Variants in WDR7 observed in about 807,000 individuals in gnomAD.
WDR7 encodes the protein WD repeat domain 7, also known as WD repeat-containing protein 7.
WDR7 carries 46 observed loss-of-function variants against 169.4 expected under a neutral mutation model. The observed-to-expected ratio is 0.27, with a 90% CI of 0.21 to 0.35. The LOEUF is 0.35. Among genes scored for constraint, WDR7 ranks in the 10% least tolerant of loss-of-function variants. The pLI is 1.00. For missense variants in WDR7, 1,534 were observed against 1,859.3 expected (o/e 0.83, Z 3.22); for synonymous variants, 612 against 666.8 (o/e 0.92, Z 1.27).
intron 19 of WDR7, among the ~76,000 whole-genome samples, chr18:56,812,689 GGC>G (rs1333920218): frequency 6.6e-6 from 1 of 152,126 alleles, no homozygotes; most frequent in Non-Finnish European, 1.5e-5. Flanking sequence ...GGAGTCCAAA[GGC>G]TAGAGAACCT....
chr18:56,976,320 T>TA (rs1250514587), intron 26 of WDR7, among the ~76,000 whole-genome samples: 1 of 152,194 alleles, frequency 6.6e-6, no homozygotes, highest in Non-Finnish European at 1.5e-5. Context: ...AGAAAAAGGA[T>TA]GTGCTACAGA....
chr18:56,660,705 G>A (rs946386632), intron 1 of WDR7, among the ~76,000 whole-genome samples: 1 of 151,790 alleles, frequency 6.6e-6, no homozygotes, highest in Non-Finnish European at 1.5e-5. Context: ...ACTAAAGCTA[G>A]AGAAGAAGAA....
At chr18:56,863,655 A>G (rs2045840761) in intron 20 of WDR7, among the ~76,000 whole-genome samples, 1 of 136,328 alleles carries the variant, frequency 7.3e-6, no homozygotes, top group African/African-American at 3.7e-5. Flanking sequence ...CTAGGAAAGT[A>G]ATTTATATTT....
chr18:56,900,082 G>GTGTATATATA (rs1409730889), intron 21 of WDR7, among the ~76,000 whole-genome samples: 18 of 32,060 alleles, frequency 5.6e-4, no homozygotes, highest in African/African-American at 1.1e-3. Flanking sequence ...GTGTGTGTGT[G>GTGTATATATA]TATATATATA....
At chr18:56,982,330 G>A (rs909686657) in intron 26 of WDR7, among the ~76,000 whole-genome samples, 2 of 152,190 alleles carry the variant, frequency 1.3e-5, no homozygotes, top group African/African-American at 4.8e-5. Flanking sequence ...GTTTTGCCAA[G>A]GAGGGAGCAT....
chr18:56,924,952 C>G (rs2046782999), intron 22 of WDR7, among the ~76,000 whole-genome samples: 1 of 152,172 alleles, frequency 6.6e-6, no homozygotes, highest in Non-Finnish European at 1.5e-5. Flanking sequence ...ACCACTTCAA[C>G]AGGCCCTGGC....
intron 20 of WDR7, among the ~76,000 whole-genome samples, chr18:56,855,211 A>G (rs936450672): frequency 1.4e-5 from 2 of 147,230 alleles, no homozygotes; most frequent in African/African-American, 4.9e-5. Flanking sequence ...ATTCTGTGAA[A>G]TGCCTGTTCA....
At chr18:56,737,523 T>C (rs552802398) in intron 14 of WDR7, among the ~76,000 whole-genome samples, 8 of 152,316 alleles carry the variant, frequency 5.3e-5, no homozygotes, top group African/African-American at 1.9e-4. Flanking sequence ...ATGACCAGGA[T>C]GATTTATCTT....
chr18:56,674,873 T>A (rs2025211170), intron 2 of WDR7, among the ~76,000 whole-genome samples: 1 of 152,224 alleles, frequency 6.6e-6, no homozygotes, highest in Non-Finnish European at 1.5e-5. Context: ...AGGGTTTGAC[T>A]TCATTCTTTT....
At chr18:56,848,805 A>G (rs2045601920) in intron 20 of WDR7, among the ~76,000 whole-genome samples, 1 of 152,104 alleles carries the variant, frequency 6.6e-6, no homozygotes, top group Middle Eastern at 3.2e-3. Context: ...GCCATGAGTA[A>G]AAGCTCCCTG....
chr18:56,905,873 C>T (rs1035861494), intron 21 of WDR7, among the ~76,000 whole-genome samples: 1 of 151,940 alleles, frequency 6.6e-6, no homozygotes, highest in Non-Finnish European at 1.5e-5. Context: ...TCACATAAAC[C>T]TCAGTGTCAT....
At chr18:56,790,392 T>C (rs760693428) in intron 19 of WDR7, among the ~76,000 whole-genome samples, 22 of 152,230 alleles carry the variant, frequency 1.4e-4, no homozygotes, top group Non-Finnish European at 2.6e-4. Flanking sequence ...GTTGATTGGA[T>C]GGTATGTGTA....
chr18:56,805,163 T>C (rs1382740057), intron 19 of WDR7, among the ~76,000 whole-genome samples: 1 of 152,160 alleles, frequency 6.6e-6, no homozygotes, highest in African/African-American at 2.4e-5. Flanking sequence ...TTAATCCAGT[T>C]AAATTGATAC....
intron 7 of WDR7, 37 bp from the exon 8 acceptor site, chr18:56,691,179 A>G: frequency 6.3e-7 from 1 of 1,585,084 alleles, no homozygotes; most frequent in Non-Finnish European, 8.5e-7. Flanking sequence ...TTTTACAACA[A>G]TATGGAGTAG....
chr18:56,696,260 C>T lies in WDR7; in HGVS notation c.1376C>T (p.Thr459Ile), dbSNP rs578142127. 2.5e-6 allele frequency: 4 copies of T among 1,611,560 alleles called. No individual in the cohort carries two copies. Among genetic ancestry groups the T allele is most frequent in the East Asian group, 2.2e-5 (1 of 44,812 alleles). Reference protein sequence around the residue: ...MLRRGWPPHRTLRGHRNKVTC... With the variant: ...MLRRGWPPHRILRGHRNKVTC... The stretch of plus-strand genomic sequence containing the variant: ...TTCACAGGTTGGCCACCTCACAGAA[C>T]ACTCCGTGGTCATCGGAACAAAGTC... Residue 459 changes from threonine to isoleucine, a missense_variant, in exon 12 of 28, where the codon ACA becomes ATA. Thr to Ile is a moderately conservative substitution (Grantham distance 89). Transcript: ENST00000254442.
chr18:56,785,408 C>T (rs958722102), intron 19 of WDR7, among the ~76,000 whole-genome samples: 11 of 152,138 alleles, frequency 7.2e-5, no homozygotes, highest in Non-Finnish European at 1.5e-4. Context: ...ATATACCACC[C>T]ATCAGATATT....
chr18:57,023,146 A>G (rs1456130608), intron 27 of WDR7, among the ~76,000 whole-genome samples: 1 of 152,232 alleles, frequency 6.6e-6, no homozygotes. Context: ...TCTCAGGAAA[A>G]TGCAATGAAA....
chr18:56,883,736 C>T (rs530658253), intron 21 of WDR7, among the ~76,000 whole-genome samples: 2 of 152,174 alleles, frequency 1.3e-5, no homozygotes, highest in East Asian at 3.9e-4. Flanking sequence ...AGCTTAGTTC[C>T]CACGTATGAG....
intron 12 of WDR7, among the ~76,000 whole-genome samples, chr18:56,703,528 T>C (rs879815766): frequency 6.6e-6 from 1 of 152,156 alleles, no homozygotes; most frequent in African/African-American, 2.4e-5. Context: ...CTAACATTAT[T>C]TTCTTAAAAT....
Sources: allele counts gnomAD v4.1 joint callset (sites outside exome capture counted in the v4.1 genomes callset), GRCh38; gene constraint gnomAD v4.1.1; transcripts MANE v1.5; gene names NCBI Gene and HGNC (gene_info 2026-07-23, HGNC 2026-07-21).